The following GAB2 variants were observed in gnomAD, a reference collection of about 807,000 sequenced individuals.
GAB2 encodes GRB2-associated-binding protein 2.
GAB2 carries 26 observed loss-of-function variants against 65.5 expected under a neutral mutation model. That is an observed-to-expected ratio of 0.40 (90% CI 0.29 to 0.55). The LOEUF is 0.55. Ranked by LOEUF, GAB2 falls within the 20% of genes least tolerant of loss-of-function variation. The pLI is 0.53. For missense variants in GAB2, 884 were observed against 875.8 expected, an observed-to-expected ratio of 1.01 and a Z score of -0.12; for synonymous variants, 321 against 329.6, an observed-to-expected ratio of 0.97 and a Z score of 0.28.
At chr11:78,231,933 T>C (rs1264225976) in intron 3 of GAB2, 1 of 152,234 alleles carries the variant, frequency 6.6e-6, no homozygotes, top group East Asian at 1.9e-4. Context: ...ATTTGAACTA[T>C]CCTCTTGCAT....
chr11:78,408,209 A>G (rs77329535), intron 1 of GAB2, among the ~76,000 whole-genome samples: 8,203 of 146,406 alleles, frequency 0.056, 712 homozygotes, highest in African/African-American at 0.21. Context: ...GTCTGATATA[A>G]AAAAAATATT....
intron 1 of GAB2, among the ~76,000 whole-genome samples, chr11:78,327,281 T>C (rs1855839848): frequency 6.6e-6 from 1 of 152,174 alleles, no homozygotes; most frequent in Non-Finnish European, 1.5e-5. Flanking sequence ...CATTTTAATA[T>C]GAAATGGGGT....
intron 1 of GAB2, among the ~76,000 whole-genome samples, chr11:78,325,249 C>A (rs942832003): frequency 6.6e-6 from 1 of 152,068 alleles, no homozygotes; most frequent in Non-Finnish European, 1.5e-5. Context: ...AAGAACCTGC[C>A]AAAACTAAGA....
chr11:78,244,684 AAAG>A (rs1865246262), intron 3 of GAB2, among the ~76,000 whole-genome samples: 4 of 151,332 alleles, frequency 2.6e-5, no homozygotes. Context: ...AAAAAAAAAA[AAAG>A]CTTGCCGTCT....
chr11:78,397,715 C>G (rs910861692), intron 1 of GAB2, among the ~76,000 whole-genome samples: 1 of 152,132 alleles, frequency 6.6e-6, no homozygotes, highest in Non-Finnish European at 1.5e-5. Flanking sequence ...TATGTACTGC[C>G]TGGCAGTACA....
At chr11:78,318,231 G>A (rs1238902366) in intron 1 of GAB2, 1 of 151,938 alleles carries the variant, frequency 6.6e-6, no homozygotes, top group African/African-American at 2.4e-5. Context: ...TGGTGGAACA[G>A]AGGCAGAAGG....
intron 3 of GAB2, among the ~76,000 whole-genome samples, chr11:78,231,319 C>T (rs1051917072): frequency 2.2e-5 from 3 of 134,540 alleles, no homozygotes; most frequent in Admixed American, 7.0e-5. Flanking sequence ...TCCCTTGGTG[C>T]GCGCGCGCGC....
intron 1 of GAB2, among the ~76,000 whole-genome samples, chr11:78,317,756 C>G (rs893297769): frequency 6.6e-5 from 10 of 152,020 alleles, no homozygotes; most frequent in African/African-American, 2.4e-4. Flanking sequence ...TTTAAGTTAC[C>G]TAAGGAGATC....
chr11:78,404,989 A>T (rs1269486685), intron 1 of GAB2, among the ~76,000 whole-genome samples: 1 of 152,138 alleles, frequency 6.6e-6, no homozygotes, highest in Admixed American at 6.5e-5. Context: ...TCAAAATTTC[A>T]CATCTCCATA....
chr11:78,235,432 T>A (rs551648035), intron 3 of GAB2, among the ~76,000 whole-genome samples: 1 of 152,268 alleles, frequency 6.6e-6, no homozygotes, highest in East Asian at 1.9e-4. Context: ...GATTACAGGC[T>A]TGAGCCACTG....
chr11:78,275,303 A>C (rs971963451), intron 2 of GAB2, among the ~76,000 whole-genome samples: 1 of 152,176 alleles, frequency 6.6e-6, no homozygotes, highest in African/African-American at 2.4e-5. Context: ...GGCAGGGAAG[A>C]AAAAATACTC....
intron 1 of GAB2, among the ~76,000 whole-genome samples, chr11:78,325,134 T>C (rs1457685298): frequency 6.6e-6 from 1 of 152,248 alleles, no homozygotes; most frequent in Non-Finnish European, 1.5e-5. Context: ...AAGTAACTTT[T>C]ATCTTGTTTG....
At chr11:78,245,945 T>A (rs1445546284) in intron 3 of GAB2, among the ~76,000 whole-genome samples, 2 of 146,010 alleles carry the variant, frequency 1.4e-5, no homozygotes, top group Non-Finnish European at 3.0e-5. Flanking sequence ...TTATTTTCTT[T>A]TTTTCTTTTT....
chr11:78,310,382 G>A (rs1565154215), intron 1 of GAB2, among the ~76,000 whole-genome samples: 1 of 151,022 alleles, frequency 6.6e-6, no homozygotes, highest in Non-Finnish European at 1.5e-5. Context: ...GCACGGTGGT[G>A]GGCGCCTGTA....
At chr11:78,401,030 A>G (rs1429268691) in intron 1 of GAB2, among the ~76,000 whole-genome samples, 3 of 151,530 alleles carry the variant, frequency 2.0e-5, no homozygotes, top group Admixed American at 1.3e-4. Flanking sequence ...ATAATCATTC[A>G]TGGCTGTGGA....
chr11:78,348,179 G>C (rs1443928275), intron 1 of GAB2, among the ~76,000 whole-genome samples: 1 of 152,126 alleles, frequency 6.6e-6, no homozygotes, highest in East Asian at 1.9e-4. Context: ...AGAGGTAGAA[G>C]GGGAGGAAGG....
Position 78,227,047 on chromosome 11 carries a change from C to T in GAB2, c.625G>A (p.Ala209Thr), listed in dbSNP as rs756525161. 6 of 1,603,872 alleles carry T rather than the reference C, an allele frequency of 3.7e-6. No homozygotes were observed. Among genetic ancestry groups the T allele is most frequent in the Non-Finnish European group, 8.5e-7 (1 of 1,174,514 alleles). Residue 209 changes from alanine to threonine, a missense_variant, in exon 4 of 10, where the codon GCC (alanine) becomes ACC (threonine). By Grantham distance (58) the Ala-to-Thr change is moderately conservative. Coordinates refer to ENST00000361507, the MANE Select transcript of GAB2 (RefSeq NM_080491.3). Reference protein sequence around the residue: ...ISRRAENARSASFSQGTRASF... With the variant: ...ISRRAENARSTSFSQGTRASF... The stretch of plus-strand genomic sequence containing the variant: ...GCTCTGGTGCCCTGAGAGAAGCTGG[C>T]ACTCCTAAAAGAGAAAGAAGGGAAA...
At chr11:78,366,068 T>G (rs1856493221) in intron 1 of GAB2, among the ~76,000 whole-genome samples, 1 of 152,238 alleles carries the variant, frequency 6.6e-6, no homozygotes. Context: ...ACATATGTTT[T>G]ATAAACTATA....
rs138265679 is a variant in GAB2 at position 78,317,004 on chromosome 11, G to C, written c.76-36103C>G. Among the ~76,000 whole-genome samples the C allele has an allele frequency of 2.0e-5, 3 of 152,290 alleles. No homozygotes were observed. In the East Asian group the frequency reaches 5.8e-4, roughly 29 times the overall value. ...ATGCTACAGCAGGGATGAACCTTAA[G>C]GGCATTAAGCTAAGTGAAATAAGCA... On this transcript the variant is annotated intron_variant, in intron 1 of 9. Coordinates refer to ENST00000361507, the MANE Select transcript of GAB2 (RefSeq NM_080491.3).
Sources: gnomAD v4.1 joint callset for allele counts (sites outside exome capture counted in the v4.1 genomes callset) on GRCh38, gnomAD v4.1.1 for gene constraint, MANE v1.5 for transcripts, NCBI Gene and HGNC (gene_info 2026-07-23, HGNC 2026-07-21) for gene names.